The following SCG3 variants were observed in gnomAD, a reference collection of about 807,000 sequenced individuals.
SCG3 encodes the protein secretogranin-3.
Under a neutral mutation model 56.2 loss-of-function variants are expected in SCG3, and 38 were observed. The ratio of observed to expected loss-of-function variants is 0.68; its 90% confidence interval spans 0.52 to 0.89. SCG3 has a LOEUF of 0.89. Ranked by LOEUF, SCG3 falls within the 40% of genes least tolerant of loss-of-function variation. The pLI is 0.00. For missense variants in SCG3, 524 were observed against 540.7 expected (o/e 0.97, Z 0.31); for synonymous variants, 176 against 184.2 (o/e 0.96, Z 0.36).
chr15:51,689,105 T>C, intron 5 of SCG3, 114 bp from the exon 6 acceptor site: 1 of 1,158,500 alleles, frequency 8.6e-7, no homozygotes, highest in Non-Finnish European at 1.2e-6. Flanking sequence ...TGAAAGATGG[T>C]TCAGAAGATT....
In SCG3 at chr15:51,701,027, A is replaced by C. The variant is rs1173767851; in HGVS notation, c.1070-80A>C. On this transcript the variant is annotated intron_variant, in intron 9 of 11. Transcript: ENST00000220478. ...ATCTGAGCTCAAACTGTACCTTGTC[A>C]ATAAAGTTGATTTCTACTTTAGGAA... 5 of 1,552,180 alleles carry C rather than the reference A, an allele frequency of 3.2e-6. No homozygotes were observed. In the African/African-American group the frequency reaches 6.9e-5, roughly 21 times the overall value.
chr15:51,716,686 C>T (rs868687906), intron 11 of SCG3, among the ~76,000 whole-genome samples: 13 of 152,340 alleles, frequency 8.5e-5, no homozygotes, highest in Admixed American at 7.8e-4. Flanking sequence ...TGACCAAATG[C>T]GTGGGGGTTT....
intron 4 of SCG3, among the ~76,000 whole-genome samples, chr15:51,684,124 AT>A (rs1408105756): frequency 1.3e-5 from 2 of 152,186 alleles, no homozygotes; most frequent in African/African-American, 4.8e-5. Context: ...GAAATCTAGG[AT>A]CAAACTATTT....
chr15:51,705,057 G>A (rs2055366643), intron 10 of SCG3, among the ~76,000 whole-genome samples: 1 of 151,744 alleles, frequency 6.6e-6, no homozygotes, highest in African/African-American at 2.4e-5. Context: ...TTTAAAAATA[G>A]CTAACCAGGA....
intron 10 of SCG3, among the ~76,000 whole-genome samples, chr15:51,710,976 C>T (rs540122678): frequency 1.6e-4 from 24 of 152,232 alleles, no homozygotes; most frequent in Non-Finnish European, 3.2e-4. Flanking sequence ...GAAGTAGCTT[C>T]ATTGGGAAGT....
At chr15:51,694,593 C>T (rs553196184) in intron 7 of SCG3, among the ~76,000 whole-genome samples, 239 of 152,218 alleles carry the variant, frequency 1.6e-3, no homozygotes, top group African/African-American at 5.5e-3. Context: ...ATGGGTTCCC[C>T]CTCTAGCATC....
intron 8 of SCG3, among the ~76,000 whole-genome samples, chr15:51,697,989 C>T (rs1307232426): frequency 1.3e-5 from 2 of 152,224 alleles, no homozygotes; most frequent in African/African-American, 4.8e-5. Context: ...AGCCTCCTCT[C>T]CTCCCATCTG....
chr15:51,686,640 A>G (rs1456168873), intron 4 of SCG3, among the ~76,000 whole-genome samples: 3 of 150,840 alleles, frequency 2.0e-5, no homozygotes, highest in Non-Finnish European at 4.4e-5. Flanking sequence ...AAAATAGATG[A>G]CGATCCAAAT....
Position 51,688,255 on chromosome 15 carries a change from T to G in SCG3, c.398-5T>G. The G allele has an allele frequency of 6.2e-7, 1 of 1,612,532 alleles. No individual in the cohort carries two copies. Among genetic ancestry groups the G allele is most frequent in the Non-Finnish European group, 8.5e-7 (1 of 1,178,818 alleles). On this transcript the variant is annotated splice_region_variant and splice_polypyrimidine_tract_variant and intron_variant, in intron 4 of 11. Transcript: ENST00000220478. ...ATGGTGTGAAGTTGTGGTCGTTCTG[T>G]CTAGATGATCCAGATGGTCTTCATC...
chr15:51,704,576 T>G (rs1222554837), intron 10 of SCG3, among the ~76,000 whole-genome samples: 1 of 150,792 alleles, frequency 6.6e-6, no homozygotes, highest in Non-Finnish European at 1.5e-5. Flanking sequence ...GCATTTTTCC[T>G]TCTGTGACCA....
At position 51,713,385 on chromosome 15, in the gene SCG3, G is replaced by A; in HGVS notation, c.1260G>A (p.Lys420=). ...EAIRKNIEWL[K]KHDKKGNKED... ...TCAGAAAAAATATTGAATGGTTGAAGAAACATGACAAAAAGGGAAATAAAG... is the reference window on the plus strand; with the variant it reads ...TCAGAAAAAATATTGAATGGTTGAAAAAACATGACAAAAAGGGAAATAAAG... The change falls in exon 11 of 12, where the codon AAG becomes AAA. Residue 420 remains lysine (K), a synonymous_variant. Coordinates refer to ENST00000220478, the MANE Select transcript of SCG3 (RefSeq NM_013243.4). 1.2e-6 allele frequency: 2 copies of A among 1,603,276 alleles called. No individual in the cohort carries two copies. The highest frequency in any genetic ancestry group is 1.7e-6 in the Non-Finnish European group (2 of 1,176,244).
At chr15:51,715,927 C>T (rs1355335133) in intron 11 of SCG3, among the ~76,000 whole-genome samples, 1 of 151,886 alleles carries the variant, frequency 6.6e-6, no homozygotes, top group Non-Finnish European at 1.5e-5. Context: ...GCACGGTCTC[C>T]GCTCACTGCG....
chr15:51,703,570 G>A (rs893573262), intron 10 of SCG3, among the ~76,000 whole-genome samples: 6 of 152,084 alleles, frequency 3.9e-5, no homozygotes, highest in Non-Finnish European at 5.9e-5. Flanking sequence ...TAGCAACAAC[G>A]GGATATTCTA....
At chr15:51,692,066 C>T in intron 6 of SCG3, 93 bp from the exon 7 acceptor site, 3 of 1,218,802 alleles carry the variant, frequency 2.5e-6, no homozygotes, top group Non-Finnish European at 3.4e-6. Context: ...TCTTGCACTT[C>T]ACATTTAAGG....
intron 9 of SCG3, 83 bp downstream of exon 9, chr15:51,699,485 T>C: frequency 1.1e-6 from 1 of 935,650 alleles, no homozygotes; most frequent in Non-Finnish European, 1.7e-6. Flanking sequence ...AAACATTAAT[T>C]TAAAAATTAC....
In SCG3 at chr15:51,681,566, G is replaced by A. The variant is rs1595825386; in HGVS notation, c.-190G>A. Reference sequence around the variant, plus strand: ...CTCTACCTGGAGACTTGACTCCCGCGCGCCCCAACCCTGCTTATCCCTTGA... The same window carrying A: ...CTCTACCTGGAGACTTGACTCCCGCACGCCCCAACCCTGCTTATCCCTTGA... On this transcript the variant is annotated 5_prime_UTR_variant, in exon 1 of 12. Coordinates refer to ENST00000220478, the MANE Select transcript of SCG3 (RefSeq NM_013243.4). 6.9e-6 allele frequency: 4 copies of A among 582,642 alleles called. No individual in the cohort carries two copies. Among genetic ancestry groups the A allele is most frequent in the Non-Finnish European group, 1.2e-5 (4 of 324,864 alleles). The allele number at this position is 582,642 out of a possible 1,614,324, so 36.1% of individuals were successfully genotyped here.
rs538051707 is a variant in SCG3 at position 51,684,680 on chromosome 15, A to T, written c.397+1246A>T. Among the ~76,000 whole-genome samples, 2 of 152,300 alleles carry T rather than the reference A, an allele frequency of 1.3e-5. 1 individual carries two copies. The highest frequency in any genetic ancestry group is 4.1e-4 in the South Asian group (2 of 4,830). ...TTTCTAGGTTCATCCTGCACACATA[A>T]TCTGATAGAAACCTTGTTCTTGCCC... On this transcript the variant is annotated intron_variant, in intron 4 of 11. Transcript: ENST00000220478.
chr15:51,719,514 T>C lies in SCG3; in HGVS notation c.1395T>C (p.Tyr465=), dbSNP rs746165811. The change falls in exon 12 of 12, where the codon TAT becomes TAC. Residue 465 remains tyrosine (Y), a synonymous_variant. Transcript: ENST00000220478. ...KEEAEAIKRI[Y]SSL ...AAGCCGAGGCCATCAAGCGCATTTA[T>C]AGCAGCCTGTAAAAATGGCAAAAGA... is the stretch of plus-strand genomic sequence containing the variant. 1.9e-6 allele frequency: 3 copies of C among 1,612,486 alleles called. No individual in the cohort carries two copies. The highest frequency in any genetic ancestry group is 1.1e-5 in the South Asian group (1 of 90,900).
intron 7 of SCG3, among the ~76,000 whole-genome samples, chr15:51,694,331 C>T (rs1021150876): frequency 6.6e-6 from 1 of 151,462 alleles, no homozygotes. Flanking sequence ...CCTACTCCTC[C>T]GTCTAGATCT....
Sources: allele counts gnomAD v4.1 joint callset (sites outside exome capture counted in the v4.1 genomes callset), GRCh38; gene constraint gnomAD v4.1.1; transcripts MANE v1.5; gene names NCBI Gene and HGNC (gene_info 2026-07-23, HGNC 2026-07-21).